Variants in CTNNA2 observed in about 807,000 individuals in gnomAD.
CTNNA2 encodes the protein catenin alpha 2.
A neutral mutation model predicts 101.0 loss-of-function variants in CTNNA2; 42 were observed. The ratio of observed to expected loss-of-function variants is 0.42; its 90% CI spans 0.32 to 0.54. The LOEUF is 0.54. CTNNA2 is among the 20% of genes least tolerant of loss of function. The probability of loss-of-function intolerance (pLI) is 0.14; values close to 1 mark genes in which losing one functional copy is unlikely to be tolerated. For missense variants in CTNNA2, 871 were observed against 1,223.1 expected (o/e 0.71, Z 4.29); for synonymous variants, 450 against 456.4 (o/e 0.99, Z 0.18).
intron 7 of CTNNA2, among the ~76,000 whole-genome samples, chr2:80,200,797 G>A (rs920727994): frequency 6.6e-6 from 1 of 151,834 alleles, no homozygotes; most frequent in Admixed American, 6.5e-5. Context: ...GCCTCCCAAA[G>A]TGCTGGGATT....
rs144724847 is a variant in CTNNA2, at chr2:79,559,946, A to C, written c.-6+46739A>C. ...AAACACCCGATTTACAGAAAAAAAA[A>C]GTTGGGGCTCTTAGAAGTTAGTTTG... On this transcript the variant is annotated intron_variant, in intron 1 of 18. Coordinates refer to ENST00000402739, the MANE Select transcript of CTNNA2 (RefSeq NM_001282597.3). Among the ~76,000 whole-genome samples, 1,121 of 151,910 alleles carry C rather than the reference A, an allele frequency of 7.4e-3. 35 individuals are homozygous for C. Among genetic ancestry groups the C allele is most frequent in the East Asian group, 0.042 (218 of 5,176 alleles).
In CTNNA2 at chr2:79,278,439, G is replaced by A. The variant is rs138703990; in HGVS notation, c.-405-34270G>A. Reference sequence around the variant, plus strand: ...AATAGGGGCATTATTGTATTGTAGGGACAGCAAAAGCATAGCTTCAGGCCA... The same window carrying A: ...AATAGGGGCATTATTGTATTGTAGGAACAGCAAAAGCATAGCTTCAGGCCA... On this transcript the variant is annotated intron_variant, in intron 2 of 21. Transcript: ENST00000466387. Among the ~76,000 whole-genome samples the A allele has an allele frequency of 1.2e-3, 177 of 151,812 alleles. 1 individual carries two copies. Among genetic ancestry groups the A allele is most frequent in the Non-Finnish European group, 1.7e-3 (117 of 67,954 alleles).
At chr2:80,050,881 A>G (rs1195189304) in intron 7 of CTNNA2, among the ~76,000 whole-genome samples, 1 of 151,908 alleles carries the variant, frequency 6.6e-6, no homozygotes, top group African/African-American at 2.4e-5. Context: ...AAAGCAAACT[A>G]ATTTTTTTAT....
At chr2:80,452,600 T>G (rs1427912564) in intron 9 of CTNNA2, among the ~76,000 whole-genome samples, 1 of 151,656 alleles carries the variant, frequency 6.6e-6, no homozygotes, top group African/African-American at 2.4e-5. Context: ...CCCCTGATGC[T>G]GGCTGGCATC....
rs144889239 is a variant in CTNNA2, at chr2:79,440,308, G to A, written c.-134-64746G>A. Among the ~76,000 whole-genome samples the A allele has an allele frequency of 1.3e-3, 191 of 152,162 alleles. 1 individual carries two copies. The highest frequency in any genetic ancestry group is 4.5e-3 in the African/African-American group (185 of 41,528). Reference sequence around the variant, plus strand: ...GCAGTAACGTAGAAAGGAAGGGGAAGGAAAAATTTATGGGAGAAGTAAGAG... The same window carrying A: ...GCAGTAACGTAGAAAGGAAGGGGAAAGAAAAATTTATGGGAGAAGTAAGAG... On this transcript the variant is annotated intron_variant, in intron 4 of 21. Transcript: ENST00000466387.
chr2:80,300,279 GGGGTGTGTGTGTGTGTGTGTGTGT>G (rs1199848766), intron 7 of CTNNA2, among the ~76,000 whole-genome samples: 7 of 128,082 alleles, frequency 5.5e-5, no homozygotes, highest in East Asian at 2.2e-4. Flanking sequence ...CTGGGGTGTT[GGGGTGTGTGTGTGTGTGTGTGTGT>G]GTGTGTGTGT....
At chr2:79,317,597 G>T (rs954061910) in intron 3 of CTNNA2, among the ~76,000 whole-genome samples, 1 of 151,924 alleles carries the variant, frequency 6.6e-6, no homozygotes, top group Non-Finnish European at 1.5e-5. Context: ...ATAAGGAAAT[G>T]GCCTATTTTC....
rs138869109 is a variant in CTNNA2, at chr2:79,899,220, C to T, written c.853-10374C>T. ...TAAAATCCATTTCCTTTGTTAAGCCCTCTAAAAATCTGATTTGATTAAGTG... is the reference window on the plus strand; with the variant it reads ...TAAAATCCATTTCCTTTGTTAAGCCTTCTAAAAATCTGATTTGATTAAGTG... On this transcript the variant is annotated intron_variant, in intron 6 of 18. Transcript: ENST00000402739. Among the ~76,000 whole-genome samples, 32 of 152,130 alleles carry T rather than the reference C, an allele frequency of 2.1e-4. 2 individuals carry two copies. In the East Asian group the frequency reaches 5.8e-3, roughly 28 times the overall value.
chr2:80,293,590 T>C (rs1380275413), intron 7 of CTNNA2, among the ~76,000 whole-genome samples: 1 of 152,164 alleles, frequency 6.6e-6, no homozygotes, highest in African/African-American at 2.4e-5. Context: ...TGGCCAAATG[T>C]ATGCTACCCG....
At chr2:79,837,706 A>C (rs1679493687) in intron 3 of CTNNA2, among the ~76,000 whole-genome samples, 1 of 151,918 alleles carries the variant, frequency 6.6e-6, no homozygotes, top group Non-Finnish European at 1.5e-5. Context: ...TCCTCAAAAC[A>C]TACTCTCAAT....
intron 7 of CTNNA2, among the ~76,000 whole-genome samples, chr2:80,137,574 G>A (rs897903435): frequency 9.2e-5 from 14 of 152,088 alleles, no homozygotes; most frequent in Admixed American, 2.0e-4. Context: ...TTGAGGTCCC[G>A]TTAACTAATG....
chr2:79,333,112 C>A (rs1455307578), intron 3 of CTNNA2, among the ~76,000 whole-genome samples: 1 of 152,102 alleles, frequency 6.6e-6, no homozygotes, highest in African/African-American at 2.4e-5. Context: ...TGTTTTGAAT[C>A]ATCAGAAATG....
At chr2:79,254,458 C>T (rs1674815756) in intron 2 of CTNNA2, among the ~76,000 whole-genome samples, 1 of 152,158 alleles carries the variant, frequency 6.6e-6, no homozygotes, top group Non-Finnish European at 1.5e-5. Context: ...GCACCTCCCT[C>T]TACACTCTCT....
chr2:79,966,787 A>T (rs1048805318), intron 7 of CTNNA2, among the ~76,000 whole-genome samples: 23 of 152,150 alleles, frequency 1.5e-4, no homozygotes, highest in Non-Finnish European at 2.6e-4. Flanking sequence ...AAACCAGGTG[A>T]TTACTATGCC....
chr2:80,361,937 C>T (rs1394156511), intron 7 of CTNNA2, among the ~76,000 whole-genome samples: 1 of 152,082 alleles, frequency 6.6e-6, no homozygotes, highest in Non-Finnish European at 1.5e-5. Context: ...CAACCCATCC[C>T]ATACATGTTC....
In CTNNA2 at chr2:80,354,542, A is replaced by G. The variant is rs115908179; in HGVS notation, c.1057-38669A>G. On this transcript the variant is annotated intron_variant, in intron 7 of 18. Transcript: ENST00000402739. ...AAAGGTACAAGTAAACGCAAACAGA[A>G]TTACCAGTGTTGTGAGGATTGTGAA... 3.5e-3 allele frequency among the ~76,000 whole-genome samples: 536 copies of G among 152,232 alleles called. 5 individuals carry two copies. The highest frequency in any genetic ancestry group is 0.012 in the African/African-American group (508 of 41,562).
intron 7 of CTNNA2, among the ~76,000 whole-genome samples, chr2:80,345,803 A>G (rs1385468491): frequency 1.3e-5 from 2 of 152,168 alleles, no homozygotes; most frequent in African/African-American, 4.8e-5. Context: ...AAAATTCTAA[A>G]GCTAATGTAT....
intron 2 of CTNNA2, among the ~76,000 whole-genome samples, chr2:79,304,487 C>T (rs929873844): frequency 2.6e-5 from 4 of 151,398 alleles, no homozygotes; most frequent in African/African-American, 9.7e-5. Flanking sequence ...CCAGGTGAGG[C>T]AGACTAATGT....
intron 7 of CTNNA2, among the ~76,000 whole-genome samples, chr2:80,367,696 G>GA (rs1481585184): frequency 6.6e-6 from 1 of 151,600 alleles, no homozygotes; most frequent in Non-Finnish European, 1.5e-5. Context: ...GTAATGGTGT[G>GA]AAAAAAATGT....
Sources: gnomAD v4.1 joint callset for allele counts (sites outside exome capture counted in the v4.1 genomes callset) on GRCh38, gnomAD v4.1.1 for gene constraint, MANE v1.5 for transcripts, NCBI Gene and HGNC (gene_info 2026-07-23, HGNC 2026-07-21) for gene names.